The following CATSPER3 variants were observed in gnomAD, a reference collection of about 807,000 sequenced individuals.
CATSPER3 encodes the protein cation channel sperm associated 3.
Under a neutral mutation model 36.6 loss-of-function variants are expected in CATSPER3, and 23 were observed. The observed-to-expected ratio is 0.63, with a 90% CI of 0.45 to 0.89. The LOEUF (loss-of-function observed/expected upper bound fraction) is 0.89, where lower values mean the gene tolerates loss of function less well. CATSPER3 is among the 40% of genes least tolerant of loss of function. The pLI is 0.00. For synonymous variants in CATSPER3, 172 were observed against 184.1 expected (o/e 0.93, Z 0.53); for missense variants, 474 against 503.9 (o/e 0.94, Z 0.57).
chr5:135,007,878 TG>T, intron 3 of CATSPER3, 78 bp from the exon 4 acceptor site: 1 of 975,766 alleles, frequency 1.0e-6, no homozygotes, highest in Non-Finnish European at 1.5e-6. Context: ...AGCTGTGAAC[TG>T]GGCAGAATGG....
At position 135,007,972 on chromosome 5, in the gene CATSPER3, G is replaced by A. The variant is rs139800400; in HGVS notation, c.508G>A (p.Val170Met). The A allele has an allele frequency of 0.017, 26,671 of 1,614,014 alleles. 335 individuals carry two copies. Among genetic ancestry groups the A allele is most frequent in the Non-Finnish European group, 0.018 (20,887 of 1,179,990 alleles). ...TGCCTTGCAGACGCTGATCACCGCC[G>A]TGGGGCAGACAGTCTACACCGTGGC... is the stretch of plus-strand genomic sequence containing the variant. Reference protein sequence around the residue: ...SQGIRTLITAVGQTVYTVASV... With the variant: ...SQGIRTLITAMGQTVYTVASV... The change falls in exon 4 of 8, where the codon GTG becomes ATG. Residue 170 changes from valine to methionine, a missense_variant. Transcript: ENST00000282611.
intron 2 of CATSPER3, among the ~76,000 whole-genome samples, chr5:134,974,243 C>T (rs1314172201): frequency 6.6e-6 from 1 of 152,104 alleles, no homozygotes; most frequent in Non-Finnish European, 1.5e-5. Flanking sequence ...TTTTACAAGT[C>T]AAACTCCCCA....
intron 2 of CATSPER3, among the ~76,000 whole-genome samples, chr5:134,971,134 A>G (rs868699410): frequency 6.6e-6 from 1 of 152,056 alleles, no homozygotes; most frequent in Non-Finnish European, 1.5e-5. Flanking sequence ...TATGTTTAGT[A>G]GAGATGGGGT....
At chr5:134,969,752 T>A (rs1046489613) in intron 1 of CATSPER3, 187 bp from the exon 2 acceptor site, 2 of 652,110 alleles carry the variant, frequency 3.1e-6, no homozygotes, top group African/African-American at 3.6e-5. Flanking sequence ...GAGGACAGAG[T>A]ATCCATGATC....
intron 2 of CATSPER3, among the ~76,000 whole-genome samples, chr5:134,980,949 G>A (rs930529816): frequency 1.7e-4 from 26 of 152,042 alleles, no homozygotes; most frequent in Admixed American, 4.6e-4. Context: ...CAAACTCCTG[G>A]CCTCAAGAGA....
rs371015070 is a variant in CATSPER3 at position 135,001,388 on chromosome 5, G to A, written c.492+4876G>A. Among the ~76,000 whole-genome samples the A allele has an allele frequency of 3.4e-3, 516 of 152,292 alleles. 4 individuals carry two copies. The highest frequency in any genetic ancestry group is 0.017 in the East Asian group (87 of 5,190). ...GTGTGGTCAATTTTGGAATAAGTGC[G>A]ATGTGTTGCTGAGAAGAATGTATAT... On this transcript the variant is annotated intron_variant, in intron 3 of 7. Transcript: ENST00000282611.
chr5:135,010,153 T>A, intron 6 of CATSPER3, among the ~76,000 whole-genome samples: 1 of 152,138 alleles, frequency 6.6e-6, no homozygotes, highest in Non-Finnish European at 1.5e-5. Flanking sequence ...GCGCTGAGCC[T>A]CAGTTGGACT....
At chr5:135,009,627 GCC>G in intron 6 of CATSPER3, 137 bp downstream of exon 6, 1 of 695,410 alleles carries the variant, frequency 1.4e-6, no homozygotes, top group Non-Finnish European at 2.6e-6. Flanking sequence ...TAAGACAGCT[GCC>G]TTCCTCCAAT....
chr5:134,994,759 G>A (rs1751923186), intron 2 of CATSPER3, among the ~76,000 whole-genome samples: 1 of 151,414 alleles, frequency 6.6e-6, no homozygotes, highest in South Asian at 2.1e-4. Flanking sequence ...CTCTCTCTCT[G>A]TTCTAGCCAT....
chr5:134,987,171 G>A (rs1300435999), intron 2 of CATSPER3, among the ~76,000 whole-genome samples: 2 of 152,004 alleles, frequency 1.3e-5, no homozygotes, highest in Non-Finnish European at 1.5e-5. Flanking sequence ...ATGAAATTTG[G>A]GACATTTCTA....
intron 2 of CATSPER3, among the ~76,000 whole-genome samples, chr5:134,977,356 C>T (rs142970712): frequency 1.1e-4 from 16 of 152,290 alleles, no homozygotes; most frequent in South Asian, 4.1e-4. Context: ...AAATTTCTTC[C>T]GCTAGATTCC....
chr5:135,007,655 C>A (rs1186737861), intron 3 of CATSPER3, among the ~76,000 whole-genome samples: 1 of 152,218 alleles, frequency 6.6e-6, no homozygotes, highest in Non-Finnish European at 1.5e-5. Flanking sequence ...GGTTGGGGTT[C>A]AAGTGGAGTG....
chr5:134,991,833 C>G (rs891082573), intron 2 of CATSPER3, among the ~76,000 whole-genome samples: 2 of 152,128 alleles, frequency 1.3e-5, no homozygotes, highest in African/African-American at 4.8e-5. Context: ...AGGACACTAT[C>G]AAGAAGGTGA....
At chr5:134,981,060 T>C (rs1213608717) in intron 2 of CATSPER3, among the ~76,000 whole-genome samples, 1 of 152,166 alleles carries the variant, frequency 6.6e-6, no homozygotes, top group Non-Finnish European at 1.5e-5. Flanking sequence ...TTTCTTTTTA[T>C]TTTTCCTTTT....
At position 135,011,564 on chromosome 5, in the gene CATSPER3, A is replaced by C. The variant is rs772918730; in HGVS notation, c.1138A>C (p.Met380Leu). ...TGAGATCGTGCATGTGCTGAGCCTA[A>C]TGCTGGAAGACTTGCCCCAGGAGAA... ...YYEIVHVLSL[M>L]LEDLPQEKPQ... The change falls in exon 8 of 8, where the codon ATG becomes CTG. Residue 380 changes from methionine to leucine, a missense_variant. Met to Leu is a conservative substitution (Grantham distance 15). Transcript: ENST00000282611. 1 of 1,614,164 alleles carries C rather than the reference A, an allele frequency of 6.2e-7. No homozygotes were observed. The highest frequency in any genetic ancestry group is 8.5e-7 in the Non-Finnish European group (1 of 1,180,014).
chr5:134,970,192 C>G (rs988097656), intron 2 of CATSPER3, 100 bp downstream of exon 2: 3 of 1,179,576 alleles, frequency 2.5e-6, no homozygotes, highest in Non-Finnish European at 3.7e-6. Flanking sequence ...CAGAATCTCA[C>G]TCTGTCAGGC....
chr5:134,995,146 T>A (rs1751929300), intron 2 of CATSPER3, among the ~76,000 whole-genome samples: 1 of 152,204 alleles, frequency 6.6e-6, no homozygotes, highest in Admixed American at 6.5e-5. Flanking sequence ...GCTAGGAACA[T>A]TTGAATTATT....
intron 2 of CATSPER3, among the ~76,000 whole-genome samples, chr5:134,987,888 C>G (rs1235339724): frequency 6.6e-6 from 1 of 152,144 alleles, no homozygotes; most frequent in African/African-American, 2.4e-5. Context: ...AAATTAGGAA[C>G]AAGACTAATA....
At chr5:135,000,974 A>G (rs1252549200) in intron 3 of CATSPER3, among the ~76,000 whole-genome samples, 1 of 151,976 alleles carries the variant, frequency 6.6e-6, no homozygotes, top group Non-Finnish European at 1.5e-5. Flanking sequence ...TAGCTTTTGA[A>G]TGTGTTTGCT....
Sources: gnomAD v4.1 joint callset for allele counts (sites outside exome capture counted in the v4.1 genomes callset) on GRCh38, gnomAD v4.1.1 for gene constraint, MANE v1.5 for transcripts, NCBI Gene and HGNC (gene_info 2026-07-23, HGNC 2026-07-21) for gene names.